Variants in GRB10 observed in about 807,000 individuals in gnomAD.
The protein encoded by GRB10 is growth factor receptor-bound protein 10.
A neutral mutation model predicts 80.9 loss-of-function variants in GRB10; 20 were observed. That is an observed-to-expected ratio of 0.25 (90% CI 0.17 to 0.36). The LOEUF is 0.36. GRB10 is among the 10% of genes least tolerant of loss of function. The pLI is 1.00. For synonymous variants in GRB10, 291 were observed against 291.5 expected, an observed-to-expected ratio of 1.00 and a Z score of 0.02; for missense variants, 548 against 747.7, an observed-to-expected ratio of 0.73 and a Z score of 3.12.
intron 3 of GRB10, among the ~76,000 whole-genome samples, chr7:50,732,749 A>C (rs1252226325): frequency 2.0e-5 from 3 of 152,172 alleles, no homozygotes; most frequent in African/African-American, 7.2e-5. Context: ...GATTCAGACA[A>C]ATTCCAAAGA....
At chr7:50,612,878 G>A in intron 12 of GRB10, 39 bp from the exon 13 acceptor site, 1 of 1,397,916 alleles carries the variant, frequency 7.2e-7, no homozygotes. Flanking sequence ...GTGTTACACA[G>A]GGAGTCAGAA....
chr7:50,637,471 C>T lies in GRB10; in HGVS notation c.505-10493G>A, dbSNP rs1448864577. On this transcript the variant is annotated intron_variant, in intron 7 of 18. Transcript: ENST00000401949. ...ACACACAACATACATACACATAATA[C>T]GTAACAATACATCTAACCAAGGAGG... 2.0e-5 allele frequency among the ~76,000 whole-genome samples: 3 copies of T among 152,050 alleles called. No individual in the cohort carries two copies. The South Asian group carries it at 6.2e-4, about 32-fold the overall frequency.
chr7:50,785,639 C>T (rs749645894), upstream of GRB10, among the ~76,000 whole-genome samples: 1 of 152,246 alleles, frequency 6.6e-6, no homozygotes, highest in Non-Finnish European at 1.5e-5. Context: ...AGGCACTGCC[C>T]ACCGCGGGCA....
At chr7:50,693,738 T>C (rs952365679) in intron 5 of GRB10, among the ~76,000 whole-genome samples, 6 of 152,024 alleles carry the variant, frequency 3.9e-5, no homozygotes, top group African/African-American at 7.3e-5. Flanking sequence ...TGTGTGTGCT[T>C]TGCAGGCATG....
rs567013416 is a variant in GRB10 at position 50,630,286 on chromosome 7, A to G, written c.505-3308T>C. The stretch of plus-strand genomic sequence containing the variant: ...CTTAGAAACAGACTTGGCCATAACC[A>G]TGCTTCATCAGTAACTAGCTGTGGG... On this transcript the variant is annotated intron_variant, in intron 7 of 18. Transcript: ENST00000401949. 4.6e-5 allele frequency among the ~76,000 whole-genome samples: 7 copies of G among 152,358 alleles called. No individual in the cohort carries two copies. The South Asian group carries it at 1.4e-3, about 32-fold the overall frequency.
rs1036569919 is a variant in GRB10 at position 50,669,860 on chromosome 7, G to A, written c.366C>T (p.Arg122=). ...TAAACTGCTGGTCTTCCTCCTGAAG[G>A]CGCCTGGAAGGCAGGGATAAGTGCC... ...SQPVHILAVR[R]LQEEDQQFRT... The change falls in exon 7 of 19, where the codon CGC becomes CGT. Residue 122 remains arginine, a synonymous_variant. Coordinates refer to ENST00000401949, the MANE Select transcript of GRB10 (RefSeq NM_001350814.2). The A allele has an allele frequency of 3.7e-6, 6 of 1,610,670 alleles. No individual in the cohort carries two copies. In the African/African-American group the frequency reaches 6.7e-5, roughly 18 times the overall value.
chr7:50,631,383 A>G (rs989592576), intron 7 of GRB10, among the ~76,000 whole-genome samples: 3 of 152,144 alleles, frequency 2.0e-5, no homozygotes, highest in Non-Finnish European at 1.5e-5. Context: ...ACAGTACCCG[A>G]GATCCACACC....
chr7:50,774,472 C>T (rs774788999), intron 2 of GRB10, among the ~76,000 whole-genome samples: 1 of 152,152 alleles, frequency 6.6e-6, no homozygotes, highest in Non-Finnish European at 1.5e-5. Flanking sequence ...CTGGTGAGGG[C>T]CTTCTTGCTG....
At chr7:50,608,234 T>C (rs1379451473) in intron 13 of GRB10, among the ~76,000 whole-genome samples, 1 of 152,044 alleles carries the variant, frequency 6.6e-6, no homozygotes, top group African/African-American at 2.4e-5. Flanking sequence ...GAGGAAAACG[T>C]GCATTATTTT....
At chr7:50,606,637 A>G (rs1320340752) in intron 13 of GRB10, 1 of 568,270 alleles carries the variant, frequency 1.8e-6, no homozygotes, top group Non-Finnish European at 3.2e-6. Flanking sequence ...GACTCCCCCA[A>G]AACTTACCTA....
chr7:50,782,271 C>G lies in GRB10; in HGVS notation c.-327+153G>C, dbSNP rs1380036555. ...AGCCCGCGGCAGGCGGGCAGGGGGCCGCGCGGCAAGACCTCCCCGCCTCCC... is the reference window on the plus strand; with the variant it reads ...AGCCCGCGGCAGGCGGGCAGGGGGCGGCGCGGCAAGACCTCCCCGCCTCCC... On this transcript the variant is annotated intron_variant, in intron 1 of 18. Transcript: ENST00000401949. This position sits in a 1 kb window ranked among gnomAD's most constrained non-coding sequence, Gnocchi z 6.6. 6.6e-6 allele frequency among the ~76,000 whole-genome samples: 1 copy of G among 151,458 alleles called. No individual in the cohort carries two copies. Among genetic ancestry groups the G allele is most frequent in the Non-Finnish European group, 1.5e-5 (1 of 67,782 alleles).
intron 1 of GRB10, among the ~76,000 whole-genome samples, chr7:50,790,315 G>A (rs979516044): frequency 6.6e-6 from 1 of 152,134 alleles, no homozygotes; most frequent in South Asian, 2.1e-4. Flanking sequence ...GTAGTTGGAC[G>A]ACCTTAATTT....
chr7:50,786,529 T>C (rs1164349775), upstream of GRB10, among the ~76,000 whole-genome samples: 2 of 152,204 alleles, frequency 1.3e-5, no homozygotes, highest in African/African-American at 2.4e-5. Flanking sequence ...TACTCTTTCA[T>C]ACACAGAATC....
rs1039990478 is a variant in GRB10 at position 50,590,543 on chromosome 7, C to T, written c.*2409G>A. On this transcript the variant is annotated 3_prime_UTR_variant, in exon 19 of 19. Transcript: ENST00000401949. ...CTTCTCAACTTCGTCCTGGTTGCTA[C>T]ATGGAGTTTCATTTAGAAAAGAAAA... The T allele has an allele frequency of 6.5e-6, 1 of 152,672 alleles. No individual in the cohort carries two copies. The highest frequency in any genetic ancestry group is 2.4e-5 in the African/African-American group (1 of 41,460). The allele number at this position is 152,672 out of a possible 1,614,324, so 9.5% of individuals were successfully genotyped here.
At chr7:50,653,116 C>T (rs1459481005) in intron 7 of GRB10, among the ~76,000 whole-genome samples, 1 of 152,204 alleles carries the variant, frequency 6.6e-6, no homozygotes, top group African/African-American at 2.4e-5. Context: ...GGCCTCTGTG[C>T]CCTTCTTCAG....
chr7:50,722,342 C>T (rs1255530006), intron 4 of GRB10, among the ~76,000 whole-genome samples: 2 of 152,200 alleles, frequency 1.3e-5, no homozygotes, highest in Non-Finnish European at 2.9e-5. Flanking sequence ...CCCTGGAAGG[C>T]CCCAGGGTAA....
chr7:50,785,801 C>A (rs963524266), upstream of GRB10, among the ~76,000 whole-genome samples: 1 of 152,142 alleles, frequency 6.6e-6, no homozygotes, highest in Non-Finnish European at 1.5e-5. Flanking sequence ...AAAAGTAAAT[C>A]ATTTACAAAT....
intron 6 of GRB10, among the ~76,000 whole-genome samples, chr7:50,671,462 G>A (rs981507975): frequency 6.6e-6 from 1 of 152,214 alleles, no homozygotes; most frequent in Admixed American, 6.5e-5. Flanking sequence ...ACGTAGACCA[G>A]CAAATGATGC....
At chr7:50,688,142 C>G (rs528423870) in intron 5 of GRB10, among the ~76,000 whole-genome samples, 3 of 152,298 alleles carry the variant, frequency 2.0e-5, no homozygotes, top group African/African-American at 7.2e-5. Context: ...AAACCAAGGT[C>G]AGCAAGGCTA....
Sources: gnomAD v4.1 joint callset for allele counts (sites outside exome capture counted in the v4.1 genomes callset) on GRCh38, gnomAD v4.1.1 for gene constraint, Gnocchi (gnomAD v3.1) non-coding constraint, MANE v1.5 for transcripts, NCBI Gene and HGNC (gene_info 2026-07-23, HGNC 2026-07-21) for gene names.